CEP128: variants seen among roughly 807,000 people sequenced by gnomAD.
CEP128 encodes the protein centrosomal protein 128kDa.
A neutral mutation model predicts 156.7 loss-of-function variants in CEP128; 132 were observed. The ratio of observed to expected loss-of-function variants is 0.84; its 90% CI spans 0.73 to 0.97. The LOEUF (loss-of-function observed/expected upper bound fraction) is 0.97. Ranked by LOEUF, CEP128 falls within the 50% of genes least tolerant of loss-of-function variation. The pLI, the probability that CEP128 is intolerant of heterozygous loss-of-function variation, is 0.00. For synonymous variants in CEP128, 469 were observed against 448.9 expected (o/e 1.04, Z -0.57); for missense variants, 1,252 against 1,281.9 (o/e 0.98, Z 0.36).
chr14:80,537,717 C>G (rs1299647052), intron 21 of CEP128, among the ~76,000 whole-genome samples: 1 of 152,074 alleles, frequency 6.6e-6, no homozygotes, highest in East Asian at 1.9e-4. Context: ...TATGAACAAA[C>G]AGTATAAGCC....
intron 1 of CEP128, among the ~76,000 whole-genome samples, chr14:80,959,075 C>A (rs1886873771): frequency 6.6e-6 from 1 of 152,134 alleles, no homozygotes; most frequent in African/African-American, 2.4e-5. Context: ...CTACCCATAT[C>A]CCAGCCCCGT....
chr14:80,831,278 T>C lies in CEP128; in HGVS notation c.1074A>G (p.Lys358=), dbSNP rs768041087. 6.2e-7 allele frequency: 1 copy of C among 1,613,804 alleles called. No homozygotes were observed. The highest frequency in any genetic ancestry group is 8.5e-7 in the Non-Finnish European group (1 of 1,179,828). The change falls in exon 13 of 25, where the codon AAA becomes AAG. Residue 358 remains lysine, a synonymous_variant. Transcript: ENST00000555265. The part of the protein sequence containing the change: ...WRFRRGVERE[K]QDLEKQMSDL... The stretch of plus-strand genomic sequence containing the variant: ...CTGACATTTGCTTCTCCAGGTCCTG[T>C]TTTTCCCGCTCAACCCCTTAAAAGA...
intron 19 of CEP128, among the ~76,000 whole-genome samples, chr14:80,611,285 A>G (rs192596997): frequency 1.6e-4 from 25 of 151,862 alleles, no homozygotes; most frequent in African/African-American, 6.0e-4. Flanking sequence ...ATGAATTATT[A>G]AAGAAAAAAA....
intron 8 of CEP128, among the ~76,000 whole-genome samples, chr14:80,872,678 A>T (rs1954022591): frequency 6.6e-6 from 1 of 152,228 alleles, no homozygotes; most frequent in African/African-American, 2.4e-5. Context: ...TTAAACTTAA[A>T]TCTGAAGCAG....
intron 19 of CEP128, among the ~76,000 whole-genome samples, chr14:80,650,429 C>T (rs1382834558): frequency 6.6e-6 from 1 of 151,956 alleles, no homozygotes; most frequent in African/African-American, 2.4e-5. Context: ...GCCGGATTAC[C>T]GTGGCCAGAA....
At chr14:80,955,624 G>A in intron 2 of CEP128, 4 of 1,607,692 alleles carry the variant, frequency 2.5e-6, no homozygotes, top group Non-Finnish European at 1.7e-6. Context: ...CCGAGGTGCA[G>A]AGCTGAGAAT....
At chr14:80,768,855 A>G (rs527434386) in intron 16 of CEP128, among the ~76,000 whole-genome samples, 1 of 152,244 alleles carries the variant, frequency 6.6e-6, no homozygotes, top group Non-Finnish European at 1.5e-5. Flanking sequence ...AGTATTGAGC[A>G]ATACAAAGAC....
At chr14:80,944,385 A>C (rs571292364), upstream of CEP128, among the ~76,000 whole-genome samples, 15 of 152,176 alleles carry the variant, frequency 9.9e-5, no homozygotes, top group Non-Finnish European at 2.1e-4. Context: ...GTGAGTTCTC[A>C]GGAGATCTGA....
chr14:80,501,203 T>A (rs1205778705), intron 24 of CEP128, among the ~76,000 whole-genome samples: 1 of 152,164 alleles, frequency 6.6e-6, no homozygotes, highest in African/African-American at 2.4e-5. Flanking sequence ...AGACCCACAC[T>A]GAGGCACATC....
At chr14:80,631,063 A>T (rs1893940003) in intron 19 of CEP128, among the ~76,000 whole-genome samples, 1 of 151,998 alleles carries the variant, frequency 6.6e-6, no homozygotes, top group African/African-American at 2.4e-5. Flanking sequence ...CACTTGGAGG[A>T]ATGTAATCAG....
At chr14:80,626,941 A>G (rs1479480569) in intron 19 of CEP128, among the ~76,000 whole-genome samples, 1 of 151,866 alleles carries the variant, frequency 6.6e-6, no homozygotes, top group Non-Finnish European at 1.5e-5. Flanking sequence ...CCCCATCACC[A>G]CCCCCAAAAT....
At chr14:80,763,855 G>T (rs1412046596) in intron 16 of CEP128, among the ~76,000 whole-genome samples, 1 of 152,116 alleles carries the variant, frequency 6.6e-6, no homozygotes. Flanking sequence ...GGCTACTGAG[G>T]TGTCCTAGGA....
At chr14:80,713,763 A>G (rs1161634490) in intron 19 of CEP128, among the ~76,000 whole-genome samples, 2 of 152,220 alleles carry the variant, frequency 1.3e-5, no homozygotes, top group Admixed American at 6.5e-5. Flanking sequence ...ACTTACGTGT[A>G]CTGAGTAAAA....
intron 13 of CEP128, among the ~76,000 whole-genome samples, chr14:80,803,963 T>C (rs1311299298): frequency 6.6e-6 from 1 of 152,142 alleles, no homozygotes; most frequent in Non-Finnish European, 1.5e-5. Context: ...GTATACCATA[T>C]ACATGATACA....
chr14:80,830,198 G>A (rs1173304703), intron 13 of CEP128: 2 of 620,294 alleles, frequency 3.2e-6, no homozygotes, highest in Non-Finnish European at 5.8e-6. Context: ...AACATGTAGA[G>A]GGCTTTGTAA....
intron 21 of CEP128, among the ~76,000 whole-genome samples, chr14:80,541,465 AC>A (rs373291202): frequency 0.035 from 4,914 of 141,042 alleles, 113 homozygotes; most frequent in South Asian, 0.074. Flanking sequence ...AAAAAAAAAA[AC>A]CAGGAAAAAA....
chr14:80,718,187 C>G (rs1897681372), intron 19 of CEP128, among the ~76,000 whole-genome samples: 1 of 152,110 alleles, frequency 6.6e-6, no homozygotes, highest in African/African-American at 2.4e-5. Context: ...TGAATAATAT[C>G]ACCAACAAGT....
At chr14:80,575,738 A>G (rs955482081) in intron 20 of CEP128, among the ~76,000 whole-genome samples, 3 of 152,208 alleles carry the variant, frequency 2.0e-5, no homozygotes, top group South Asian at 4.1e-4. Flanking sequence ...CAAGAGTCCT[A>G]TGAAATCAGT....
chr14:80,916,651 T>C (rs1406261320), intron 2 of CEP128, 89 bp from the exon 3 acceptor site: 2 of 1,053,024 alleles, frequency 1.9e-6, no homozygotes, highest in African/African-American at 3.2e-5. Flanking sequence ...TGATCTCTTT[T>C]CTATGTTTAA....
Sources: gnomAD v4.1 joint callset for allele counts (sites outside exome capture counted in the v4.1 genomes callset) on GRCh38, gnomAD v4.1.1 for gene constraint, MANE v1.5 for transcripts, NCBI Gene and HGNC (gene_info 2026-07-23, HGNC 2026-07-21) for gene names.